The following VPS13C variants were observed in gnomAD, a reference collection of about 807,000 sequenced individuals.
VPS13C encodes the protein intermembrane lipid transfer protein VPS13C.
A neutral mutation model predicts 456.8 loss-of-function variants in VPS13C; 358 were observed. That is an observed-to-expected ratio of 0.78 (90% CI 0.72 to 0.86). The LOEUF (loss-of-function observed/expected upper bound fraction) is 0.86, where lower values mean the gene tolerates loss of function less well. VPS13C is among the 40% of genes least tolerant of loss of function. VPS13C has a pLI of 0.00. For missense variants in VPS13C, 4,818 were observed against 4,385.4 expected (o/e 1.10, Z -2.79); for synonymous variants, 1,578 against 1,486.7 (o/e 1.06, Z -1.41).
At chr15:62,015,831 C>A (rs2047221935) in intron 9 of VPS13C, among the ~76,000 whole-genome samples, 1 of 139,454 alleles carries the variant, frequency 7.2e-6, no homozygotes, top group Non-Finnish European at 1.6e-5. Flanking sequence ...ATACCTAATG[C>A]TAGATGACAC....
chr15:61,897,310 C>T (rs903084660), intron 66 of VPS13C, among the ~76,000 whole-genome samples: 36 of 151,848 alleles, frequency 2.4e-4, no homozygotes, highest in African/African-American at 6.0e-4. Flanking sequence ...CTCTGAGCTA[C>T]GGAAGGACAT....
rs1309372791 is a variant in VPS13C at position 61,854,518 on chromosome 15, T to G, written c.11201A>C (p.Gln3734Pro). 6.2e-7 allele frequency: 1 copy of G among 1,614,034 alleles called. No homozygotes were observed. Among genetic ancestry groups the G allele is most frequent in the Non-Finnish European group, 8.5e-7 (1 of 1,179,996 alleles). Residue 3734 changes from glutamine (Q) to proline (P), a missense_variant, in exon 85 of 85, where the codon CAG becomes CCG. By Grantham distance (76) the Gln-to-Pro change is moderately conservative (BLOSUM62 -1). Around this residue, in one of 3 missense-constraint regions of VPS13C, gnomAD observed 261 missense variants for 234.1 expected, o/e 1.11. Transcript: ENST00000644861. The part of the protein sequence containing the change: ...NAIEDAQSTR[Q>P]QQKLMKQSSV... Reference sequence around the variant, plus strand: ...TGACTGCTTCATCAATTTTTGCTGCTGTCTCGTTGACTGTGCATCCTCAAT... The same window carrying G: ...TGACTGCTTCATCAATTTTTGCTGCGGTCTCGTTGACTGTGCATCCTCAAT...
At chr15:61,895,444 A>G (rs2042778764) in intron 66 of VPS13C, among the ~76,000 whole-genome samples, 1 of 152,160 alleles carries the variant, frequency 6.6e-6, no homozygotes, top group Non-Finnish European at 1.5e-5. Context: ...AAAATGGACA[A>G]ACTTTTAGCT....
chr15:61,868,067 C>A (rs1336036192), intron 81 of VPS13C: 2 of 714,008 alleles, frequency 2.8e-6, no homozygotes, highest in South Asian at 1.8e-5. Context: ...ATTTTAAAGT[C>A]AAGGTAGAAA....
Position 61,877,611 on chromosome 15 carries a change from A to G in VPS13C, c.10143-557T>C, listed in dbSNP as rs541809687. Among the ~76,000 whole-genome samples the G allele has an allele frequency of 4.0e-5, 6 of 151,750 alleles. No individual in the cohort carries two copies. The South Asian group carries it at 1.2e-3, about 32-fold the overall frequency. Reference sequence around the variant, plus strand: ...CAAGGTTAGATTACTTTTTGGAAAGAATTTCCAAAAAGAGAACTACTGAGT... The same window carrying G: ...CAAGGTTAGATTACTTTTTGGAAAGGATTTCCAAAAAGAGAACTACTGAGT... On this transcript the variant is annotated intron_variant, in intron 74 of 84. Coordinates refer to ENST00000644861, the MANE Select transcript of VPS13C (RefSeq NM_020821.3).
intron 66 of VPS13C, among the ~76,000 whole-genome samples, chr15:61,905,984 G>C (rs1029047887): frequency 6.6e-6 from 1 of 151,952 alleles, no homozygotes; most frequent in African/African-American, 2.4e-5. Context: ...TGCTTCTTCT[G>C]GTCCTGTAGT....
intron 53 of VPS13C, among the ~76,000 whole-genome samples, chr15:61,924,148 G>A (rs2140194464): frequency 6.6e-6 from 1 of 151,936 alleles, no homozygotes; most frequent in South Asian, 2.1e-4. Flanking sequence ...TTACAGGCGT[G>A]AGGCCACCGC....
intron 51 of VPS13C, among the ~76,000 whole-genome samples, chr15:61,927,754 T>C (rs991248112): frequency 1.3e-5 from 2 of 152,184 alleles, no homozygotes; most frequent in African/African-American, 4.8e-5. Context: ...CGTATGTTTA[T>C]TGCGGCACTA....
At chr15:61,913,580 T>C (rs368435497) in intron 61 of VPS13C, among the ~76,000 whole-genome samples, 165 bp from the exon 62 acceptor site, 3 of 152,060 alleles carry the variant, frequency 2.0e-5, no homozygotes, top group East Asian at 3.9e-4. Flanking sequence ...CAAAAAACTC[T>C]AGGGAACAAC....
chr15:61,861,289 C>T (rs1361419184), intron 82 of VPS13C, among the ~76,000 whole-genome samples: 2 of 151,952 alleles, frequency 1.3e-5, no homozygotes, highest in Admixed American at 6.6e-5. Context: ...ATTTTCAATA[C>T]TGGGGTGGCC....
chr15:62,059,755 C>G (rs1385694027), intron 1 of VPS13C, among the ~76,000 whole-genome samples: 2 of 152,204 alleles, frequency 1.3e-5, no homozygotes, highest in African/African-American at 4.8e-5. Context: ...AGATCTCCTG[C>G]CCGTTCCTCT....
intron 84 of VPS13C, 61 bp from the exon 85 acceptor site, chr15:61,854,619 G>C (rs961198389): frequency 4.5e-6 from 7 of 1,551,158 alleles, no homozygotes; most frequent in Non-Finnish European, 6.2e-6. Context: ...TTGGTTGAAG[G>C]GAAAGGTATG....
At chr15:62,010,164 T>G (rs2140504152) in intron 13 of VPS13C, among the ~76,000 whole-genome samples, 1 of 151,670 alleles carries the variant, frequency 6.6e-6, no homozygotes, top group East Asian at 1.9e-4. Flanking sequence ...CACTCCAGCC[T>G]GGGCAACAGA....
intron 3 of VPS13C, among the ~76,000 whole-genome samples, chr15:62,037,705 A>T (rs532558774): frequency 2.1e-5 from 2 of 97,122 alleles, no homozygotes; most frequent in South Asian, 6.2e-4. Flanking sequence ...AATATTTCAA[A>T]AGTAAAGAAT....
chr15:61,990,073 T>C (rs1430241245), intron 18 of VPS13C, among the ~76,000 whole-genome samples: 1 of 152,122 alleles, frequency 6.6e-6, no homozygotes, highest in East Asian at 1.9e-4. Flanking sequence ...GTTAGTAAAA[T>C]ACATCTACTG....
chr15:61,857,977 C>T lies in VPS13C; in HGVS notation c.10953-1568G>A, dbSNP rs550618583. Reference sequence around the variant, plus strand: ...TCCCTAGCCCCAGCCTAGTAAGTGGCAGTAGTGTCCTACAATCACTGTGGC... The same window carrying T: ...TCCCTAGCCCCAGCCTAGTAAGTGGTAGTAGTGTCCTACAATCACTGTGGC... On this transcript the variant is annotated intron_variant, in intron 82 of 84. Transcript: ENST00000644861. 5.9e-5 allele frequency among the ~76,000 whole-genome samples: 9 copies of T among 152,200 alleles called. No homozygotes were observed. In the South Asian group the frequency reaches 1.9e-3, roughly 32 times the overall value.
chr15:61,918,314 A>T, intron 58 of VPS13C, 57 bp from the exon 59 acceptor site: 1 of 1,407,986 alleles, frequency 7.1e-7, no homozygotes, highest in Non-Finnish European at 9.5e-7. Context: ...CGAAAGAAAA[A>T]ATGAGAGCCA....
chr15:61,935,199 G>C (rs983601817), intron 48 of VPS13C, among the ~76,000 whole-genome samples: 1 of 152,170 alleles, frequency 6.6e-6, no homozygotes, highest in Admixed American at 6.5e-5. Context: ...GAGACTTCAG[G>C]AAGTAAGTCA....
chr15:61,990,004 C>T (rs998374169), intron 18 of VPS13C, among the ~76,000 whole-genome samples: 4 of 152,088 alleles, frequency 2.6e-5, no homozygotes, highest in African/African-American at 9.7e-5. Flanking sequence ...TCATCAACAA[C>T]AGTACAAATA....
Sources: allele counts gnomAD v4.1 joint callset (sites outside exome capture counted in the v4.1 genomes callset), GRCh38; gene constraint gnomAD v4.1.1; regional missense constraint gnomAD v4.1.1; transcripts MANE v1.5; gene names NCBI Gene and HGNC (gene_info 2026-07-23, HGNC 2026-07-21).